The following NKX6-1 variants were observed in gnomAD, a reference collection of about 807,000 sequenced individuals.
NKX6-1 encodes the protein NK6 homeobox 1, also known as homeobox protein Nkx-6.1.
A neutral mutation model predicts 24.9 loss-of-function variants in NKX6-1; 11 were observed. That is an observed-to-expected ratio of 0.44 (90% CI 0.28 to 0.73). The LOEUF (loss-of-function observed/expected upper bound fraction) is 0.73, where lower values mean the gene tolerates loss of function less well. Ranked by LOEUF, NKX6-1 falls within the 30% of genes least tolerant of loss-of-function variation. The pLI, the probability that NKX6-1 is intolerant of heterozygous loss-of-function variation, is 0.15. For missense variants in NKX6-1, 487 were observed against 502.9 expected (o/e 0.97, Z 0.30); for synonymous variants, 277 against 242.9 (o/e 1.14, Z -1.31).
In NKX6-1 at chr4:84,498,468, C is replaced by G; in HGVS notation, c.-240G>C. ...AGCTCGCCGAGAAAAGCAGGCGTCC[C>G]GGCGGGCTAGGCAGTCCTTTCGTTC... On this transcript the variant is annotated 5_prime_UTR_variant, in exon 1 of 3. Coordinates refer to ENST00000295886, the MANE Select transcript of NKX6-1 (RefSeq NM_006168.3). The G allele has an allele frequency of 2.5e-6, 1 of 401,130 alleles. No homozygotes were observed. Among genetic ancestry groups the G allele is most frequent in the Non-Finnish European group, 4.3e-6 (1 of 230,186 alleles). The allele number at this position is 401,130 out of a possible 1,614,324, so 24.8% of individuals were successfully genotyped here.
In NKX6-1 at chr4:84,493,339, C is replaced by A; in HGVS notation, c.1054G>T (p.Gly352Cys). 1 of 1,613,604 alleles carries A rather than the reference C, an allele frequency of 6.2e-7. No individual in the cohort carries two copies. The highest frequency in any genetic ancestry group is 8.5e-7 in the Non-Finnish European group (1 of 1,179,870). Reference sequence around the variant, plus strand: ...GCGTGCAGTAGGAGGCCGCCGCCGCCGCCGCTGCTGGACTTGTGCTTCTTC... The same window carrying A: ...GCGTGCAGTAGGAGGCCGCCGCCGCAGCCGCTGCTGGACTTGTGCTTCTTC... ...LLKKHKSSSG[G>C]GGGLLLHASE... The change falls in exon 3 of 3, where the codon GGC (glycine) becomes TGC (cysteine). Residue 352 changes from glycine to cysteine, a missense_variant. Physicochemically the swap from Gly to Cys is radical, Grantham distance 159. Around this residue, in one of 3 missense-constraint regions of NKX6-1, gnomAD observed 126 missense variants for 105.5 expected, o/e 1.19. Coordinates refer to ENST00000295886, the MANE Select transcript of NKX6-1 (RefSeq NM_006168.3). This position sits in a 1 kb window ranked among gnomAD's most constrained non-coding sequence, Gnocchi z 5.1.
rs1720889246 is a variant in NKX6-1 at position 84,498,916 on chromosome 4, G to T, written c.-688C>A. Among the ~76,000 whole-genome samples the T allele has an allele frequency of 6.6e-6, 1 of 152,198 alleles. No individual in the cohort carries two copies. The highest frequency in any genetic ancestry group is 2.4e-5 in the African/African-American group (1 of 41,460). ...GTGCCACGGATCCCCGCGGCTCCCA[G>T]GTCCTCACCTCCACCCGCCTTGCCC... On this transcript the variant is annotated 5_prime_UTR_variant, in exon 1 of 3. The change creates a new upstream start codon in the 5' untranslated region. Transcript: ENST00000295886.
In NKX6-1 at chr4:84,493,355, G is replaced by C; in HGVS notation, c.1038C>G (p.His346Gln). The C allele has an allele frequency of 6.2e-7, 1 of 1,613,844 alleles. No homozygotes were observed. The highest frequency in any genetic ancestry group is 8.5e-7 in the Non-Finnish European group (1 of 1,179,990). The change falls in exon 3 of 3, where the codon CAC becomes CAG. Residue 346 changes from histidine (H) to glutamine (Q), a missense_variant. Physicochemically the swap from His to Gln is conservative, Grantham distance 24. This residue lies in a region of NKX6-1 where 126 missense variants were observed against 105.5 expected (regional missense o/e 1.19). Coordinates refer to ENST00000295886, the MANE Select transcript of NKX6-1 (RefSeq NM_006168.3). This position sits in a 1 kb window ranked among gnomAD's most constrained non-coding sequence, Gnocchi z 5.1. The stretch of plus-strand genomic sequence containing the variant: ...CGCCGCCGCCGCCGCTGCTGGACTT[G>C]TGCTTCTTCAACAGCTGCGTGATTT... ...DEKITQLLKK[H>Q]KSSSGGGGGL...
chr4:84,498,458 G>T lies in NKX6-1; in HGVS notation c.-230C>A. On this transcript the variant is annotated 5_prime_UTR_variant, in exon 1 of 3. Coordinates refer to ENST00000295886, the MANE Select transcript of NKX6-1 (RefSeq NM_006168.3). Reference sequence around the variant, plus strand: ...GGGAGGCGGCAGCTCGCCGAGAAAAGCAGGCGTCCCGGCGGGCTAGGCAGT... The same window carrying T: ...GGGAGGCGGCAGCTCGCCGAGAAAATCAGGCGTCCCGGCGGGCTAGGCAGT... 2.4e-6 allele frequency: 1 copy of T among 411,180 alleles called. No individual in the cohort carries two copies. The highest frequency in any genetic ancestry group is 4.2e-6 in the Non-Finnish European group (1 of 239,034). 25.5% of individuals were successfully genotyped at this position (411,180 alleles called of 1,614,324 possible).
At position 84,493,921 on chromosome 4, in the gene NKX6-1, G is replaced by A. The variant is rs2109986155; in HGVS notation, c.844-372C>T. On this transcript the variant is annotated intron_variant, in intron 2 of 2. Transcript: ENST00000295886. This position sits in a 1 kb window ranked among gnomAD's most constrained non-coding sequence, Gnocchi z 5.1. ...GAAGTTGAAAACTTTCCCCCTTCAT[G>A]AAGTTGCCCCACAGTGGCTGTGATT... 6.6e-6 allele frequency among the ~76,000 whole-genome samples: 1 copy of A among 152,298 alleles called. No homozygotes were observed. The highest frequency in any genetic ancestry group is 3.4e-3 in the Middle Eastern group (1 of 294).
At chr4:84,496,461 G>C (rs1160303861) in intron 1 of NKX6-1, 1 of 152,362 alleles carries the variant, frequency 6.6e-6, no homozygotes, top group East Asian at 1.9e-4. Flanking sequence ...ACCAGGCCCG[G>C]CTGCCACAGT....
chr4:84,493,498 T>G lies in NKX6-1; in HGVS notation c.895A>C (p.Met299Leu). The G allele has an allele frequency of 1.2e-6, 2 of 1,614,204 alleles. No individual in the cohort carries two copies. The highest frequency in any genetic ancestry group is 1.7e-6 in the Non-Finnish European group (2 of 1,180,028). ...TCCTGCTTCTTCTTGGCCGTGGCCA[T>G]CTCGGCAGCGTGCTTCTTCCTCCAC... ...TKWRKKHAAE[M>L]ATAKKKQDSE... The change falls in exon 3 of 3, where the codon ATG becomes CTG. Residue 299 changes from methionine to leucine, a missense_variant. Met to Leu is a conservative substitution (Grantham distance 15, BLOSUM62 2). Coordinates refer to ENST00000295886, the MANE Select transcript of NKX6-1 (RefSeq NM_006168.3). The surrounding 1 kb of genome is among the most constrained non-coding windows in gnomAD (Gnocchi z 5.1).
Position 84,493,323 on chromosome 4 carries a change from A to G in NKX6-1, c.1070T>C (p.Leu357Pro), listed in dbSNP as rs948847362. ...KSSSGGGGGL[L>P]LHASEPESSS is the part of the protein sequence containing the mutation. ...GCTCTCCGGCTCGGACGCGTGCAGT[A>G]GGAGGCCGCCGCCGCCGCCGCTGCT... Residue 357 changes from leucine (L) to proline (P), a missense_variant, in exon 3 of 3, where the codon CTA (leucine) becomes CCA (proline). Coordinates refer to ENST00000295886, the MANE Select transcript of NKX6-1 (RefSeq NM_006168.3). This position sits in a 1 kb window ranked among gnomAD's most constrained non-coding sequence, Gnocchi z 5.1. The G allele has an allele frequency of 1.2e-6, 2 of 1,609,376 alleles. No homozygotes were observed. Among genetic ancestry groups the G allele is most frequent in the Non-Finnish European group, 1.7e-6 (2 of 1,179,490 alleles).
rs1187293292 is a variant in NKX6-1, at chr4:84,493,960, A to G, written c.844-411T>C. Among the ~76,000 whole-genome samples the G allele has an allele frequency of 2.6e-5, 4 of 152,102 alleles. No individual in the cohort carries two copies. The highest frequency in any genetic ancestry group is 9.7e-5 in the African/African-American group (4 of 41,416). On this transcript the variant is annotated intron_variant, in intron 2 of 2. Transcript: ENST00000295886. This position sits in a 1 kb window ranked among gnomAD's most constrained non-coding sequence, Gnocchi z 5.1. ...GTGGCTGTGATTTTATTCCTTATTTACTTTCTTAAATTAAGAAATTTCAAA... is the reference window on the plus strand; with the variant it reads ...GTGGCTGTGATTTTATTCCTTATTTGCTTTCTTAAATTAAGAAATTTCAAA...
rs2109987971 is a variant in NKX6-1, at chr4:84,498,104, G to C, written c.125C>G (p.Pro42Arg). The change falls in exon 1 of 3, where the codon CCG becomes CGG. Residue 42 changes from proline (P) to arginine (R), a missense_variant. Around this residue, in one of 3 missense-constraint regions of NKX6-1, gnomAD observed 316 missense variants for 311.4 expected, o/e 1.01. Transcript: ENST00000295886. ...GGAGGAGGGGGGGCCGGCAGGCAGC[G>C]GGGGATACGCGGCAGGGTACAGCGG... ...KTPLYPAAYP[P>R]LPAGPPSSSS... 6 of 1,274,702 alleles carry C rather than the reference G, an allele frequency of 4.7e-6. No homozygotes were observed. In the South Asian group the frequency reaches 1.0e-4, roughly 21 times the overall value. The allele number at this position is 1,274,702 out of a possible 1,614,324, so 79.0% of individuals were successfully genotyped here.
At position 84,497,049 on chromosome 4, in the gene NKX6-1, G is replaced by A. The variant is rs148716679; in HGVS notation, c.670+510C>T. The A allele has an allele frequency of 2.3e-3, 357 of 153,340 alleles. 1 individual carries two copies. The highest frequency in any genetic ancestry group is 9.9e-3 in the Middle Eastern group (3 of 304). 9.5% of individuals were successfully genotyped at this position (153,340 alleles called of 1,614,324 possible). A position where few individuals can be genotyped will look rare whatever the true frequency, so the allele number is the denominator to read the frequency against. ...GCATGCAAATACACTCACTTCCCGG[G>A]CGGTGGAGGGCTCACCGCTGCCGGG... On this transcript the variant is annotated intron_variant, in intron 1 of 2. Coordinates refer to ENST00000295886, the MANE Select transcript of NKX6-1 (RefSeq NM_006168.3). The surrounding 1 kb of genome is among the most constrained non-coding windows in gnomAD (Gnocchi z 4.8).
chr4:84,498,132 T>A lies in NKX6-1; in HGVS notation c.97A>T (p.Thr33Ser). Residue 33 changes from threonine (T) to serine (S), a missense_variant, in exon 1 of 3, where the codon ACC (threonine) becomes TCC (serine). Physicochemically the swap from Thr to Ser is moderately conservative, Grantham distance 58. Transcript: ENST00000295886. ...AALHSMAEMK[T>S]PLYPAAYPPL... is the part of the protein sequence containing the mutation. ...GGATACGCGGCAGGGTACAGCGGGGTCTTCATCTCGGCCATGCTGTGCAGG... is the reference window on the plus strand; with the variant it reads ...GGATACGCGGCAGGGTACAGCGGGGACTTCATCTCGGCCATGCTGTGCAGG... 1 of 1,285,068 alleles carries A rather than the reference T, an allele frequency of 7.8e-7. No individual in the cohort carries two copies. Among genetic ancestry groups the A allele is most frequent in the South Asian group, 3.2e-5 (1 of 30,956 alleles). The allele number at this position is 1,285,068 out of a possible 1,614,324, so 79.6% of individuals were successfully genotyped here.
rs530627411 is a variant in NKX6-1, at chr4:84,494,766, T to C, written c.843+906A>G. Among the ~76,000 whole-genome samples, 5 of 152,330 alleles carry C rather than the reference T, an allele frequency of 3.3e-5. No homozygotes were observed. The East Asian group carries it at 9.6e-4, about 29-fold the overall frequency. On this transcript the variant is annotated intron_variant, in intron 2 of 2. Transcript: ENST00000295886. ...CACTAGCCAGCAGACATGGCTAATG[T>C]TATTCCTACTTAATTTAAGAAGCAA...
At chr4:84,495,984 T>A (rs1720811280) in intron 1 of NKX6-1, 140 bp from the exon 2 acceptor site, 1 of 817,952 alleles carries the variant, frequency 1.2e-6, no homozygotes, top group Non-Finnish European at 1.9e-6. Flanking sequence ...AGAAGTGTAG[T>A]GGCGCTTCCA....
Position 84,493,446 on chromosome 4 carries a change from G to A in NKX6-1, c.947C>T (p.Ala316Val). ...QDSETERLKG[A>V]SENEEEDDDY... Reference sequence around the variant, plus strand: ...GTCGTCCTCTTCCTCGTTCTCCGAGGCCCCCTTGAGGCGCTCTGTCTCCGA... The same window carrying A: ...GTCGTCCTCTTCCTCGTTCTCCGAGACCCCCTTGAGGCGCTCTGTCTCCGA... Residue 316 changes from alanine to valine, a missense_variant, in exon 3 of 3, where the codon GCC becomes GTC. This residue lies in a region of NKX6-1 where 126 missense variants were observed against 105.5 expected (regional missense o/e 1.19). Transcript: ENST00000295886. This position sits in a 1 kb window ranked among gnomAD's most constrained non-coding sequence, Gnocchi z 5.1. The A allele has an allele frequency of 6.2e-7, 1 of 1,614,250 alleles. No individual in the cohort carries two copies. The highest frequency in any genetic ancestry group is 1.7e-4 in the Middle Eastern group (1 of 6,060).
chr4:84,498,039 G>A lies in NKX6-1; in HGVS notation c.190C>T (p.Leu64=). The A allele has an allele frequency of 7.9e-7, 1 of 1,262,974 alleles. No individual in the cohort carries two copies. The highest frequency in any genetic ancestry group is 3.6e-5 in the South Asian group (1 of 27,856). 78.2% of individuals were successfully genotyped at this position (1,262,974 alleles called of 1,614,324 possible). The change falls in exon 1 of 3, where the codon CTG becomes TTG. Residue 64 remains leucine, a synonymous_variant. Transcript: ENST00000295886. ...AGGCCGCCTGGGTTGTGGGTGCCCA[G>A]AGGCGGGGAGGGCGACGAGGAGGAC... The part of the protein sequence containing the change: ...SSSSSSPSPP[L]GTHNPGGLKP...
intron 2 of NKX6-1, among the ~76,000 whole-genome samples, chr4:84,494,009 C>T (rs1037975479): frequency 6.6e-6 from 1 of 152,084 alleles, no homozygotes; most frequent in Non-Finnish European, 1.5e-5. Context: ...ACTTGCTTTT[C>T]GGTATAGATT....
At position 84,498,576 on chromosome 4, in the gene NKX6-1, G is replaced by A. The variant is rs1720878766; in HGVS notation, c.-348C>T. 2 of 261,324 alleles carry A rather than the reference G, an allele frequency of 7.7e-6. No homozygotes were observed. The highest frequency in any genetic ancestry group is 1.4e-4 in the East Asian group (2 of 14,546). 16.2% of individuals were successfully genotyped at this position (261,324 alleles called of 1,614,324 possible). A position where few individuals can be genotyped will look rare whatever the true frequency, so the allele number is the denominator to read the frequency against. ...CAAAGTGCGCTACTTCTCATCTTCTGCCCCCGGGAAATAAGCAAAACAAAA... is the reference window on the plus strand; with the variant it reads ...CAAAGTGCGCTACTTCTCATCTTCTACCCCCGGGAAATAAGCAAAACAAAA... On this transcript the variant is annotated 5_prime_UTR_variant, in exon 1 of 3. Transcript: ENST00000295886.
chr4:84,493,221 G>T lies in NKX6-1; in HGVS notation c.*68C>A, dbSNP rs1354391697. Reference sequence around the variant, plus strand: ...GAGCGGGCAGGCGCGGCGTGCACGCGGTCCCCGCGCCCCTCGCGGCCCCAG... The same window carrying T: ...GAGCGGGCAGGCGCGGCGTGCACGCTGTCCCCGCGCCCCTCGCGGCCCCAG... On this transcript the variant is annotated 3_prime_UTR_variant, in exon 3 of 3. Transcript: ENST00000295886. This position sits in a 1 kb window ranked among gnomAD's most constrained non-coding sequence, Gnocchi z 5.1. 8 of 1,361,460 alleles carry T rather than the reference G, an allele frequency of 5.9e-6. No individual in the cohort carries two copies. The highest frequency in any genetic ancestry group is 7.5e-6 in the Non-Finnish European group (8 of 1,059,846). The allele number at this position is 1,361,460 out of a possible 1,614,324, so 84.3% of individuals were successfully genotyped here.
Sources: allele counts gnomAD v4.1 joint callset (sites outside exome capture counted in the v4.1 genomes callset), GRCh38; gene constraint gnomAD v4.1.1; regional missense constraint gnomAD v4.1.1; non-coding constraint Gnocchi (gnomAD v3.1); transcripts MANE v1.5; gene names NCBI Gene and HGNC (gene_info 2026-07-23, HGNC 2026-07-21).